The following CSNK2A2 variants were observed in gnomAD, a reference collection of about 807,000 sequenced individuals.
CSNK2A2 encodes the protein casein kinase 2 alpha 2.
CSNK2A2 carries 8 observed loss-of-function variants against 54.0 expected under a neutral mutation model. The observed-to-expected ratio is 0.15, with a 90% CI of 0.09 to 0.27. The LOEUF is 0.27. CSNK2A2 is among the 10% of genes least tolerant of loss of function. The pLI, the probability that CSNK2A2 is intolerant of heterozygous loss-of-function variation, is 1.00. For synonymous variants in CSNK2A2, 141 were observed against 153.9 expected, an observed-to-expected ratio of 0.92 and a Z score of 0.62; for missense variants, 242 against 439.4, an observed-to-expected ratio of 0.55 and a Z score of 4.02.
At chr16:58,193,881 G>C (rs1051972102) in intron 2 of CSNK2A2, among the ~76,000 whole-genome samples, 1 of 152,164 alleles carries the variant, frequency 6.6e-6, no homozygotes, top group African/African-American at 2.4e-5. Context: ...AAAGTTTTAA[G>C]ATTTTAGCCA....
At chr16:58,181,612 A>T (rs1252628559) in intron 4 of CSNK2A2, among the ~76,000 whole-genome samples, 1 of 152,196 alleles carries the variant, frequency 6.6e-6, no homozygotes, top group East Asian at 1.9e-4. Context: ...GAGAAAATAG[A>T]AGGTATTACA....
At chr16:58,193,869 G>T (rs932182228) in intron 2 of CSNK2A2, among the ~76,000 whole-genome samples, 1 of 152,066 alleles carries the variant, frequency 6.6e-6, no homozygotes, top group Non-Finnish European at 1.5e-5. Context: ...TCTATTGATT[G>T]GAAAGTTTTA....
chr16:58,169,299 G>C (rs530560954), intron 5 of CSNK2A2, among the ~76,000 whole-genome samples: 1 of 152,182 alleles, frequency 6.6e-6, no homozygotes, highest in South Asian at 2.1e-4. Flanking sequence ...TAGCACTTTG[G>C]GAGGCCGAGG....
chr16:58,163,380 T>A (rs995511172), intron 11 of CSNK2A2: 3 of 151,846 alleles, frequency 2.0e-5, no homozygotes, highest in Admixed American at 2.0e-4. Context: ...CTTTTGATGA[T>A]AACCATGGAC....
chr16:58,197,574 G>C lies in CSNK2A2; in HGVS notation c.104+59C>G. 8.0e-6 allele frequency: 10 copies of C among 1,255,794 alleles called. No homozygotes were observed. In the Admixed American group the frequency reaches 1.1e-4, roughly 14 times the overall value. The allele number at this position is 1,255,794 out of a possible 1,614,324, so 77.8% of individuals were successfully genotyped here. A position where few individuals can be genotyped will look rare whatever the true frequency, so the allele number is the denominator to read the frequency against. On this transcript the variant is annotated intron_variant, in intron 1 of 11. Coordinates refer to ENST00000262506, the MANE Select transcript of CSNK2A2 (RefSeq NM_001896.4). The surrounding 1 kb of genome is among the most constrained non-coding windows in gnomAD (Gnocchi z 4.0). ...CACCGGGCCCGAGTGCGGTTCGCAG[G>C]GGGTGGCCGGGCGGGGGCAGGGATC...
At chr16:58,182,963 C>T (rs138774047) in intron 4 of CSNK2A2, among the ~76,000 whole-genome samples, 49 of 152,296 alleles carry the variant, frequency 3.2e-4, no homozygotes, top group African/African-American at 1.1e-3. Flanking sequence ...TGGGAAAGTG[C>T]TATACTACAC....
chr16:58,196,361 G>A (rs767051295), intron 2 of CSNK2A2, among the ~76,000 whole-genome samples: 6 of 152,182 alleles, frequency 3.9e-5, no homozygotes, highest in Non-Finnish European at 8.8e-5. Flanking sequence ...TCTAATCCCA[G>A]CAACTATAGG....
chr16:58,173,280 C>T (rs1159075007), intron 5 of CSNK2A2, among the ~76,000 whole-genome samples: 1 of 152,188 alleles, frequency 6.6e-6, no homozygotes, highest in Non-Finnish European at 1.5e-5. Flanking sequence ...ACCTTAAATC[C>T]ACCACCTCAG....
At chr16:58,177,719 T>C (rs112301991) in intron 4 of CSNK2A2, among the ~76,000 whole-genome samples, 4,560 of 152,282 alleles carry the variant, frequency 0.03, 119 homozygotes, top group South Asian at 0.15. Flanking sequence ...TGTGTGCACA[T>C]TCCCTGATAT....
chr16:58,179,459 TCACTG>T (rs975450684), intron 4 of CSNK2A2, among the ~76,000 whole-genome samples: 5 of 150,228 alleles, frequency 3.3e-5, no homozygotes, highest in African/African-American at 1.2e-4. Context: ...CAAGATCAGG[TCACTG>T]CACTCCAGCC....
At chr16:58,165,171 C>G (rs1315709979) in intron 10 of CSNK2A2, among the ~76,000 whole-genome samples, 1 of 152,204 alleles carries the variant, frequency 6.6e-6, no homozygotes, top group East Asian at 1.9e-4. Flanking sequence ...TCATCTCCTT[C>G]TTTCAAAACA....
chr16:58,186,398 T>A (rs960203837), intron 3 of CSNK2A2, among the ~76,000 whole-genome samples: 2 of 152,222 alleles, frequency 1.3e-5, no homozygotes, highest in African/African-American at 4.8e-5. Context: ...TTTTCAAATG[T>A]CATGCTTACT....
intron 5 of CSNK2A2, among the ~76,000 whole-genome samples, 158 bp from the exon 6 acceptor site, chr16:58,168,851 G>C (rs1490222063): frequency 1.3e-5 from 2 of 152,148 alleles, no homozygotes; most frequent in Non-Finnish European, 2.9e-5. Flanking sequence ...GCTTCAGAAG[G>C]CACCCCTTGC....
At chr16:58,190,224 A>G (rs1962293299) in intron 2 of CSNK2A2, among the ~76,000 whole-genome samples, 1 of 152,182 alleles carries the variant, frequency 6.6e-6, no homozygotes, top group Non-Finnish European at 1.5e-5. Context: ...AACCAATAAA[A>G]AAATTTTTTT....
chr16:58,191,865 C>A (rs1353706191), intron 2 of CSNK2A2, among the ~76,000 whole-genome samples: 1 of 152,026 alleles, frequency 6.6e-6, no homozygotes, highest in Non-Finnish European at 1.5e-5. Flanking sequence ...CACATTTAAC[C>A]GTCTTAGATG....
intron 2 of CSNK2A2, among the ~76,000 whole-genome samples, chr16:58,192,205 C>T (rs181900927): frequency 7.0e-4 from 107 of 152,270 alleles, no homozygotes; most frequent in African/African-American, 2.5e-3. Flanking sequence ...TCTGCCCTCT[C>T]ATTTACAGCA....
intron 2 of CSNK2A2, among the ~76,000 whole-genome samples, chr16:58,195,194 C>A (rs1239092043): frequency 2.7e-5 from 4 of 148,700 alleles, no homozygotes; most frequent in South Asian, 2.1e-4. Context: ...AAAAAAAAAA[C>A]CACCTTGTGA....
At chr16:58,163,845 C>A (rs931117676) in intron 11 of CSNK2A2, 5 of 442,108 alleles carry the variant, frequency 1.1e-5, no homozygotes, top group Non-Finnish European at 2.0e-5. Context: ...AGATCCTGAA[C>A]TAGGTGCATC....
intron 4 of CSNK2A2, among the ~76,000 whole-genome samples, chr16:58,180,567 C>T (rs548403691): frequency 3.1e-4 from 47 of 152,220 alleles, no homozygotes; most frequent in Admixed American, 1.1e-3. Flanking sequence ...CCTTGAAAGA[C>T]ATCTATCCAT....
Sources: gnomAD v4.1 joint callset for allele counts (sites outside exome capture counted in the v4.1 genomes callset) on GRCh38, gnomAD v4.1.1 for gene constraint, Gnocchi (gnomAD v3.1) non-coding constraint, MANE v1.5 for transcripts, NCBI Gene and HGNC (gene_info 2026-07-23, HGNC 2026-07-21) for gene names.